The following GATAD2B variants were observed in gnomAD, a reference collection of about 807,000 sequenced individuals.
GATAD2B encodes the protein GATA zinc finger domain containing 2B.
Under a neutral mutation model 64.3 loss-of-function variants are expected in GATAD2B, and 8 were observed. The ratio of observed to expected loss-of-function variants is 0.12; its 90% CI spans 0.07 to 0.22. The LOEUF (loss-of-function observed/expected upper bound fraction) is 0.22. Among genes scored for constraint, GATAD2B ranks in the 10% least tolerant of loss-of-function variants. The pLI is 1.00. For synonymous variants in GATAD2B, 281 were observed against 271.3 expected (o/e 1.04, Z -0.35); for missense variants, 453 against 752.0 (o/e 0.60, Z 4.65).
intron 1 of GATAD2B, among the ~76,000 whole-genome samples, chr1:153,891,199 A>G (rs1034614963): frequency 2.0e-5 from 3 of 151,274 alleles, no homozygotes; most frequent in African/African-American, 7.3e-5. Context: ...CACACAAATA[A>G]AAAAGGAAAA....
chr1:153,809,123 C>T lies in GATAD2B; in HGVS notation c.*1054G>A, dbSNP rs1570919898. The T allele has an allele frequency of 1.3e-5, 2 of 152,358 alleles. No individual in the cohort carries two copies. The highest frequency in any genetic ancestry group is 1.3e-4 in the Admixed American group (2 of 15,302). 9.4% of individuals were successfully genotyped at this position (152,358 alleles called of 1,614,324 possible). On this transcript the variant is annotated 3_prime_UTR_variant, in exon 11 of 11. Coordinates refer to ENST00000368655, the MANE Select transcript of GATAD2B (RefSeq NM_020699.4). ...ACTTGACTCATTTATGTCCACCCAA[C>T]TTGTGGGACACCCAGCAAACAGCCT...
chr1:153,908,124 A>G (rs888232812), intron 1 of GATAD2B, among the ~76,000 whole-genome samples: 4 of 152,040 alleles, frequency 2.6e-5, no homozygotes, highest in Non-Finnish European at 5.9e-5. Context: ...ATTTTATGTT[A>G]TGTACATTTT....
At chr1:153,866,885 A>C (rs753484511) in intron 1 of GATAD2B, among the ~76,000 whole-genome samples, 5 of 152,098 alleles carry the variant, frequency 3.3e-5, no homozygotes, top group Non-Finnish European at 5.9e-5. Context: ...GGTTCAATAG[A>C]TTCTCCTGCC....
intron 1 of GATAD2B, among the ~76,000 whole-genome samples, chr1:153,880,780 G>A (rs1676985543): frequency 6.6e-6 from 1 of 151,756 alleles, no homozygotes; most frequent in Admixed American, 6.6e-5. Flanking sequence ...GGAGGTCAAG[G>A]TTGCAGTGAG....
At chr1:153,913,613 T>C (rs897217340) in intron 1 of GATAD2B, among the ~76,000 whole-genome samples, 1 of 152,130 alleles carries the variant, frequency 6.6e-6, no homozygotes, top group Non-Finnish European at 1.5e-5. Context: ...ATACCACTGA[T>C]GTTTCTAAAA....
chr1:153,901,181 T>TATGG (rs1351334500), intron 1 of GATAD2B, among the ~76,000 whole-genome samples: 1 of 150,364 alleles, frequency 6.7e-6, no homozygotes, highest in Non-Finnish European at 1.5e-5. Flanking sequence ...GCCACTGAAC[T>TATGG]CCAGCCTGGG....
chr1:153,861,795 A>AATATAT (rs1553194157), intron 1 of GATAD2B, among the ~76,000 whole-genome samples: 1 of 98,550 alleles, frequency 1.0e-5, no homozygotes, highest in Non-Finnish European at 2.0e-5. Flanking sequence ...AAAAAAAAAA[A>AATATAT]ATATATATAT....
rs570670163 is a variant in GATAD2B, at chr1:153,845,310, A to G, written c.-1-16962T>C. 8.5e-5 allele frequency among the ~76,000 whole-genome samples: 13 copies of G among 152,174 alleles called. No individual in the cohort carries two copies. The East Asian group carries it at 1.7e-3, about 20-fold the overall frequency. On this transcript the variant is annotated intron_variant, in intron 1 of 10. Coordinates refer to ENST00000368655, the MANE Select transcript of GATAD2B (RefSeq NM_020699.4). ...TCAATGAGAATTGCTCAAGCACAGG[A>G]GGCTGAGGCTGCAGTGAGCCTGATC...
In GATAD2B at chr1:153,813,291, G is replaced by A. The variant is rs765210326; in HGVS notation, c.1378C>T (p.Arg460Trp). The A allele has an allele frequency of 1.9e-6, 3 of 1,614,088 alleles. No individual in the cohort carries two copies. The highest frequency in any genetic ancestry group is 2.5e-6 in the Non-Finnish European group (3 of 1,179,996). ...GCTTTCACAAATGCATTTTTCAGCC[G>A]GTTGGTGTGTTCAGCTTTTAGAGCC... is the stretch of plus-strand genomic sequence containing the variant. ...KKALKAEHTN[R>W]LKNAFVKALQ... The change falls in exon 8 of 11, where the codon CGG (arginine) becomes TGG (tryptophan). Residue 460 changes from arginine to tryptophan, a missense_variant. Transcript: ENST00000368655.
At chr1:153,817,082 G>A (rs936783824) in intron 6 of GATAD2B, among the ~76,000 whole-genome samples, 1 of 152,110 alleles carries the variant, frequency 6.6e-6, no homozygotes, top group Non-Finnish European at 1.5e-5. Context: ...ATAAGATTTT[G>A]CTTTCTGTCA....
chr1:153,810,212 G>A lies in GATAD2B; in HGVS notation c.1747C>T (p.Arg583Trp), dbSNP rs764483720. The change falls in exon 11 of 11, where the codon CGG (arginine) becomes TGG (tryptophan). Residue 583 changes from arginine to tryptophan, a missense_variant. Arg to Trp is a moderately radical substitution (Grantham distance 101, BLOSUM62 -3). Coordinates refer to ENST00000368655, the MANE Select transcript of GATAD2B (RefSeq NM_020699.4). ...CCACTGATGGACTGCGATATAGACC[G>A]GGGAGGGATCATGTCTAAAAGGTAT... ...REYLLDMIPP[R>W]SISQSISGQK 4 of 1,612,816 alleles carry A rather than the reference G, an allele frequency of 2.5e-6. No individual in the cohort carries two copies. Among genetic ancestry groups the A allele is most frequent in the Non-Finnish European group, 2.5e-6 (3 of 1,179,398 alleles).
intron 1 of GATAD2B, among the ~76,000 whole-genome samples, chr1:153,835,701 G>A (rs1482456237): frequency 6.6e-6 from 1 of 152,030 alleles, no homozygotes; most frequent in Non-Finnish European, 1.5e-5. Context: ...ACAGCATAAT[G>A]TAAACATAAC....
chr1:153,868,823 C>T (rs368368060), intron 1 of GATAD2B, among the ~76,000 whole-genome samples: 1 of 151,622 alleles, frequency 6.6e-6, no homozygotes, highest in African/African-American at 2.4e-5. Flanking sequence ...GCAGCCTCCC[C>T]TCCTGGGTTC....
intron 2 of GATAD2B, among the ~76,000 whole-genome samples, chr1:153,825,820 A>T (rs1490167633): frequency 6.6e-6 from 1 of 152,212 alleles, no homozygotes; most frequent in African/African-American, 2.4e-5. Context: ...ATCAAAAGGT[A>T]GAGAAAGTAA....
Position 153,818,145 on chromosome 1 carries a change from A to T in GATAD2B, c.624T>A (p.Ser208=). Residue 208 remains serine (S), a synonymous_variant, in exon 5 of 11, where the codon TCT becomes TCA. Transcript: ENST00000368655. ...QKTPVVQNAA[S]IVQPSPAHVG... ...CATGGGCAGGAGATGGCTGAACAAT[A>T]GATGCTGCATTCTGTACAACTGGAG... 6.2e-7 allele frequency: 1 copy of T among 1,612,504 alleles called. No homozygotes were observed. Among genetic ancestry groups the T allele is most frequent in the Non-Finnish European group, 8.5e-7 (1 of 1,179,192 alleles).
At chr1:153,831,586 G>A (rs1349890746) in intron 1 of GATAD2B, among the ~76,000 whole-genome samples, 1 of 152,060 alleles carries the variant, frequency 6.6e-6, no homozygotes, top group African/African-American at 2.4e-5. Context: ...ATTCAATGAT[G>A]TTTAGTATAT....
chr1:153,899,919 T>C (rs1405053452), intron 1 of GATAD2B, among the ~76,000 whole-genome samples: 1 of 152,192 alleles, frequency 6.6e-6, no homozygotes, highest in Admixed American at 6.6e-5. Context: ...CCTACAAATA[T>C]ACTTAAATGT....
At chr1:153,887,697 C>T (rs1041751515) in intron 1 of GATAD2B, among the ~76,000 whole-genome samples, 9 of 152,016 alleles carry the variant, frequency 5.9e-5, no homozygotes, top group Non-Finnish European at 1.3e-4. Flanking sequence ...AAAGCATATT[C>T]CTTAATGTGT....
At chr1:153,916,088 T>C (rs763536311) in intron 1 of GATAD2B, among the ~76,000 whole-genome samples, 1 of 152,038 alleles carries the variant, frequency 6.6e-6, no homozygotes, top group Non-Finnish European at 1.5e-5. Flanking sequence ...GAGACCAGCC[T>C]GGGGCAACAT....
Sources: gnomAD v4.1 joint callset for allele counts (sites outside exome capture counted in the v4.1 genomes callset) on GRCh38, gnomAD v4.1.1 for gene constraint, MANE v1.5 for transcripts, NCBI Gene and HGNC (gene_info 2026-07-23, HGNC 2026-07-21) for gene names.